Variants in ARL6IP4 observed in about 807,000 individuals in gnomAD.
The protein encoded by ARL6IP4 is ARF like GTPase 6 interacting protein 4, also known as ADP-ribosylation factor-like protein 6-interacting protein 4.
ARL6IP4 carries 24 observed loss-of-function variants against 28.1 expected under a neutral mutation model. The ratio of observed to expected loss-of-function variants is 0.86; its 90% CI spans 0.62 to 1.20. The LOEUF (loss-of-function observed/expected upper bound fraction) is 1.20. Ranked by LOEUF, ARL6IP4 falls within the 50% of genes most tolerant of loss-of-function variation. The pLI, the probability that ARL6IP4 is intolerant of heterozygous loss-of-function variation, is 0.00. For synonymous variants in ARL6IP4, 162 were observed against 122.3 expected (o/e 1.32, Z -2.14); for missense variants, 343 against 302.4 (o/e 1.13, Z -1.00).
chr12:122,980,537 C>A, upstream of ARL6IP4: 3 of 1,359,936 alleles, frequency 2.2e-6, no homozygotes, highest in Non-Finnish European at 2.8e-6. Context: ...GCGTGAGGGG[C>A]TGCGGAGCTC....
intron 1 of ARL6IP4, 179 bp downstream of exon 1, chr12:122,980,924 C>T (rs2037616396): frequency 2.9e-6 from 4 of 1,377,648 alleles, no homozygotes; most frequent in Non-Finnish European, 3.7e-6. Context: ...CGGGGCGGGC[C>T]CTTAACAGGC....
chr12:122,980,709 G>A lies in ARL6IP4; in HGVS notation c.-48G>A, dbSNP rs1424956272. 7.5e-7 allele frequency: 1 copy of A among 1,329,824 alleles called. No individual in the cohort carries two copies. Among genetic ancestry groups the A allele is most frequent in the Non-Finnish European group, 9.6e-7 (1 of 1,044,578 alleles). The allele number at this position is 1,329,824 out of a possible 1,614,324, so 82.4% of individuals were successfully genotyped here. Reference sequence around the variant, plus strand: ...CTCGCCGCCGCTTCCTCTCGAGAAGGCGCGGGGCGGGCTGTCCGGCCCGCA... The same window carrying A: ...CTCGCCGCCGCTTCCTCTCGAGAAGACGCGGGGCGGGCTGTCCGGCCCGCA... On this transcript the variant is annotated 5_prime_UTR_variant, in exon 1 of 6. Transcript: ENST00000315580.
At position 122,982,478 on chromosome 12, in the gene ARL6IP4, G is replaced by A; in HGVS notation, c.597G>A (p.Lys199=). Residue 199 remains lysine, a synonymous_variant, in exon 5 of 6, where the codon AAG becomes AAA. Transcript: ENST00000315580. Reference sequence around the variant, plus strand: ...ACCCTCCCACCCCCAGGCTTATTAAGGGAGATGGCGAGGTCCTAGAGGAAA... The same window carrying A: ...ACCCTCCCACCCCCAGGCTTATTAAAGGAGATGGCGAGGTCCTAGAGGAAA... ...DPETGRTRLI[K]GDGEVLEEIV... The A allele has an allele frequency of 6.2e-7, 1 of 1,613,530 alleles. No individual in the cohort carries two copies.
At chr12:122,980,662 C>G (rs1413747763), upstream of ARL6IP4, 2 of 1,375,928 alleles carry the variant, frequency 1.5e-6, no homozygotes, top group Admixed American at 6.8e-5. Flanking sequence ...GCCTCCCGCG[C>G]AGCGCCCCGG....
At chr12:122,982,368 T>G (rs1594108733) in intron 4 of ARL6IP4, 101 bp from the exon 5 acceptor site, 2 of 1,175,932 alleles carry the variant, frequency 1.7e-6, no homozygotes, top group Non-Finnish European at 2.4e-6. Context: ...GGCTGCGGGG[T>G]GGGAGCCCTG....
chr12:122,981,562 G>C lies in ARL6IP4; in HGVS notation c.161-9G>C. 6.5e-7 allele frequency: 1 copy of C among 1,536,148 alleles called. No homozygotes were observed. Among genetic ancestry groups the C allele is most frequent in the Non-Finnish European group, 8.8e-7 (1 of 1,142,268 alleles). On this transcript the variant is annotated splice_polypyrimidine_tract_variant and intron_variant, in intron 2 of 5. Transcript: ENST00000315580. ...CGAAGGTTTACCTCTTCCCCTCCTG[G>C]CCTTCCAGCCTCACCTTCTCCCTGC...
chr12:122,981,437 A>C (rs565140051), intron 2 of ARL6IP4, 134 bp from the exon 3 acceptor site: 1 of 1,373,496 alleles, frequency 7.3e-7, no homozygotes, highest in Non-Finnish European at 9.6e-7. Flanking sequence ...AGGAGCCAGG[A>C]AGGGGCTCCT....
rs759035870 is a variant in ARL6IP4 at position 122,982,614 on chromosome 12, C to T, written c.658-6C>T. The T allele has an allele frequency of 6.2e-7, 1 of 1,614,144 alleles. No homozygotes were observed. The highest frequency in any genetic ancestry group is 1.1e-5 in the South Asian group (1 of 91,086). On this transcript the variant is annotated splice_region_variant and splice_polypyrimidine_tract_variant and intron_variant, in intron 5 of 5. Coordinates refer to ENST00000315580, the MANE Select transcript of ARL6IP4 (RefSeq NM_018694.4). ...TACCCCTCCTCCTGTGTGCTTTCTT[C>T]CCCAGCAAGCCACCCGAGGGGACTG...
rs780545096 is a variant in ARL6IP4, at chr12:122,981,981, G to A, written c.494G>A (p.Arg165Gln). 3.7e-6 allele frequency: 6 copies of A among 1,613,636 alleles called. No homozygotes were observed. The highest frequency in any genetic ancestry group is 4.5e-5 in the East Asian group (2 of 44,884). ...GTCCTGACGGATGAGCAGAAGTCCC[G>A]AATCCAGGCCATGAAGCCCATGACC... ...GPVLTDEQKS[R>Q]IQAMKPMTKE... The change falls in exon 4 of 6, where the codon CGA becomes CAA. Residue 165 changes from arginine to glutamine, a missense_variant. Arg to Gln is a conservative substitution (Grantham distance 43). Coordinates refer to ENST00000315580, the MANE Select transcript of ARL6IP4 (RefSeq NM_018694.4).
Position 122,982,629 on chromosome 12 carries a change from C to G in ARL6IP4, c.667C>G (p.Arg223Gly), listed in dbSNP as rs368158124. 1.3e-5 allele frequency: 21 copies of G among 1,614,092 alleles called. No homozygotes were observed. The highest frequency in any genetic ancestry group is 1.6e-4 in the Middle Eastern group (1 of 6,062). ...RHREINKQAT[R>G]GDCLAFQMRA... Reference sequence around the variant, plus strand: ...GTGCTTTCTTCCCCAGCAAGCCACCCGAGGGGACTGCCTGGCCTTCCAGAT... The same window carrying G: ...GTGCTTTCTTCCCCAGCAAGCCACCGGAGGGGACTGCCTGGCCTTCCAGAT... Residue 223 changes from arginine (R) to glycine (G), a missense_variant, in exon 6 of 6, where the codon CGA (arginine) becomes GGA (glycine). Physicochemically the swap from Arg to Gly is moderately radical, Grantham distance 125. Coordinates refer to ENST00000315580, the MANE Select transcript of ARL6IP4 (RefSeq NM_018694.4).
Position 122,982,598 on chromosome 12 carries a change from TCCTGTGTGCTTTCTTCC to T in ARL6IP4, c.658-19_658-3del, listed in dbSNP as rs2037746070. On this transcript the variant is annotated splice_region_variant and splice_polypyrimidine_tract_variant and intron_variant, in intron 5 of 5. Coordinates refer to ENST00000315580, the MANE Select transcript of ARL6IP4 (RefSeq NM_018694.4). The stretch of plus-strand genomic sequence containing the variant: ...AGCTCTGTTTGTGATGTACCCCTCC[TCCTGTGTGCTTTCTTCC>T]CCAGCAAGCCACCCGAGGGGACTGC... 6.2e-7 allele frequency: 1 copy of T among 1,614,012 alleles called. No individual in the cohort carries two copies. Among genetic ancestry groups the T allele is most frequent in the East Asian group, 2.2e-5 (1 of 44,896 alleles).
intron 4 of ARL6IP4, 193 bp from the exon 5 acceptor site, chr12:122,982,276 G>C (rs565966915): frequency 7.2e-5 from 58 of 800,854 alleles, no homozygotes; most frequent in Non-Finnish European, 5.4e-5. Flanking sequence ...GTTGTTGGCC[G>C]GGCTGAGGCT....
Position 122,981,558 on chromosome 12 carries a change from C to T in ARL6IP4, c.161-13C>T. ...GGGACGAAGGTTTACCTCTTCCCCT[C>T]CTGGCCTTCCAGCCTCACCTTCTCC... On this transcript the variant is annotated splice_polypyrimidine_tract_variant and intron_variant, in intron 2 of 5. Coordinates refer to ENST00000315580, the MANE Select transcript of ARL6IP4 (RefSeq NM_018694.4). 3 of 1,533,422 alleles carry T rather than the reference C, an allele frequency of 2.0e-6. No individual in the cohort carries two copies. Among genetic ancestry groups the T allele is most frequent in the Admixed American group, 1.9e-5 (1 of 53,354 alleles). The allele number at this position is 1,533,422 out of a possible 1,614,324, so 95.0% of individuals were successfully genotyped here.
At chr12:122,981,392 G>A in intron 2 of ARL6IP4, 93 bp downstream of exon 2, 1 of 1,456,404 alleles carries the variant, frequency 6.9e-7, no homozygotes, top group Non-Finnish European at 9.1e-7. Flanking sequence ...ATGCCTCTGT[G>A]CAGCCGGGCC....
At position 122,982,673 on chromosome 12, in the gene ARL6IP4, C is replaced by T; in HGVS notation, c.711C>T (p.Pro237=). 6.2e-7 allele frequency: 1 copy of T among 1,613,656 alleles called. No homozygotes were observed. Among genetic ancestry groups the T allele is most frequent in the South Asian group, 1.1e-5 (1 of 91,082 alleles). ...LAFQMRAGLL[P] Reference sequence around the variant, plus strand: ...TCCAGATGCGAGCTGGGTTGCTTCCCTGAGGGCCCCCGCTGGCCAAGGCCT... The same window carrying T: ...TCCAGATGCGAGCTGGGTTGCTTCCTTGAGGGCCCCCGCTGGCCAAGGCCT... The change falls in exon 6 of 6, where the codon CCC becomes CCT. Residue 237 remains proline (P), a synonymous_variant. Transcript: ENST00000315580.
In ARL6IP4 at chr12:122,980,742, C is replaced by G; in HGVS notation, c.-15C>G. 1 of 1,320,774 alleles carries G rather than the reference C, an allele frequency of 7.6e-7. No individual in the cohort carries two copies. The highest frequency in any genetic ancestry group is 9.6e-7 in the Non-Finnish European group (1 of 1,039,982). The allele number at this position is 1,320,774 out of a possible 1,614,324, so 81.8% of individuals were successfully genotyped here. A position where few individuals can be genotyped will look rare whatever the true frequency, so the allele number is the denominator to read the frequency against. ...CGGGCTGTCCGGCCCGCAGGGCGGT[C>G]GAGGTGGGAACGGAGCAGCCCCGGG... On this transcript the variant is annotated 5_prime_UTR_variant, in exon 1 of 6. Coordinates refer to ENST00000315580, the MANE Select transcript of ARL6IP4 (RefSeq NM_018694.4).
At position 122,981,701 on chromosome 12, in the gene ARL6IP4, C is replaced by A. The variant is rs2037670154; in HGVS notation, c.291C>A (p.Ser97=). 6.4e-7 allele frequency: 1 copy of A among 1,553,020 alleles called. No homozygotes were observed. The change falls in exon 3 of 6, where the codon TCC becomes TCA. Residue 97 remains serine (S), a synonymous_variant. Coordinates refer to ENST00000315580, the MANE Select transcript of ARL6IP4 (RefSeq NM_018694.4). ...SSSSSSSSSS[S]SDGRKKRGKY... is the part of the protein sequence containing the mutation. Reference sequence around the variant, plus strand: ...CCTCCTCGTCCTCCTCCTCTTCCTCCAGTGATGGCCGGAAGAAGCGGGGGA... The same window carrying A: ...CCTCCTCGTCCTCCTCCTCTTCCTCAAGTGATGGCCGGAAGAAGCGGGGGA...
chr12:122,981,341 C>T (rs981542779), intron 2 of ARL6IP4, 42 bp downstream of exon 2: 2 of 1,519,414 alleles, frequency 1.3e-6, no homozygotes, highest in South Asian at 1.2e-5. Context: ...GCAGTTACTA[C>T]CCGGGGAAGT....
In ARL6IP4 at chr12:122,982,201, T is replaced by G. The variant is rs956366139; in HGVS notation, c.587+127T>G. On this transcript the variant is annotated intron_variant, in intron 4 of 5. Transcript: ENST00000315580. ...GAAAAAGGCCAAATGTGGGCAAAAA[T>G]ACGGTCACTTGGAGTAAGTAGTTGC... 1.0e-5 allele frequency: 11 copies of G among 1,089,784 alleles called. 1 individual carries two copies. The highest frequency in any genetic ancestry group is 1.4e-5 in the Non-Finnish European group (10 of 724,896). 67.5% of individuals were successfully genotyped at this position (1,089,784 alleles called of 1,614,324 possible).
Sources: allele counts gnomAD v4.1 joint callset, GRCh38; gene constraint gnomAD v4.1.1; transcripts MANE v1.5; gene names NCBI Gene and HGNC (gene_info 2026-07-23, HGNC 2026-07-21).